Variants in PPP2R2C observed in about 807,000 individuals in gnomAD.
PPP2R2C encodes the protein protein phosphatase 2 regulatory subunit Bgamma.
Under a neutral mutation model 45.3 loss-of-function variants are expected in PPP2R2C, and 10 were observed. That is an observed-to-expected ratio of 0.22 (90% CI 0.14 to 0.37). The LOEUF (loss-of-function observed/expected upper bound fraction) is 0.37. Ranked by LOEUF, PPP2R2C falls within the 10% of genes least tolerant of loss-of-function variation. PPP2R2C has a pLI of 1.00. For missense variants in PPP2R2C, 308 were observed against 619.7 expected (o/e 0.50, Z 5.34); for synonymous variants, 257 against 245.4 (o/e 1.05, Z -0.44).
intron 2 of PPP2R2C, among the ~76,000 whole-genome samples, chr4:6,491,867 C>T (rs1296232549): frequency 6.6e-6 from 1 of 152,198 alleles, no homozygotes; most frequent in African/African-American, 2.4e-5. Flanking sequence ...ATTTCCTGTA[C>T]AGCCTGCAGA....
intron 2 of PPP2R2C, among the ~76,000 whole-genome samples, chr4:6,521,862 C>T (rs768435472): frequency 3.3e-5 from 5 of 152,188 alleles, no homozygotes; most frequent in Non-Finnish European, 4.4e-5. Flanking sequence ...GCACAGCTCA[C>T]GGAAGAGCCG....
chr4:6,550,824 A>G (rs2108839705), intron 1 of PPP2R2C, among the ~76,000 whole-genome samples: 1 of 152,218 alleles, frequency 6.6e-6, no homozygotes, highest in Non-Finnish European at 1.5e-5. Context: ...TTTCTTTAAT[A>G]TTTTATAGAG....
At chr4:6,427,289 C>A (rs1577174719) in intron 1 of PPP2R2C, among the ~76,000 whole-genome samples, 1 of 152,346 alleles carries the variant, frequency 6.6e-6, no homozygotes, top group South Asian at 2.1e-4. Context: ...GTTTAACGTT[C>A]AGCATCTCAA....
intron 1 of PPP2R2C, among the ~76,000 whole-genome samples, chr4:6,418,071 G>A (rs1479962501): frequency 1.3e-5 from 2 of 152,182 alleles, no homozygotes; most frequent in African/African-American, 4.8e-5. Flanking sequence ...TTGCCGCCTT[G>A]GGAAGTCACT....
chr4:6,382,750 G>A, intron 1 of PPP2R2C: 1 of 603,082 alleles, frequency 1.7e-6, no homozygotes, highest in Non-Finnish European at 2.4e-6. Context: ...AGCCTTCACA[G>A]CATATCGGGA....
At chr4:6,515,692 T>C (rs546236439) in intron 2 of PPP2R2C, among the ~76,000 whole-genome samples, 3 of 152,228 alleles carry the variant, frequency 2.0e-5, no homozygotes, top group Non-Finnish European at 4.4e-5. Context: ...ATAAATATCA[T>C]TCATTCAGCA....
intron 1 of PPP2R2C, among the ~76,000 whole-genome samples, chr4:6,449,928 G>A (rs1208248344): frequency 6.6e-6 from 1 of 152,228 alleles, no homozygotes; most frequent in African/African-American, 2.4e-5. Context: ...CCAATCTGCT[G>A]GCAGAGGCTT....
intron 1 of PPP2R2C, among the ~76,000 whole-genome samples, chr4:6,445,021 CA>C (rs368834006): frequency 0.022 from 3,289 of 148,046 alleles, 138 homozygotes; most frequent in African/African-American, 0.076. Flanking sequence ...CCCAACTCTA[CA>C]AAAAAAAAAT....
chr4:6,515,428 G>C (rs1331829139), intron 2 of PPP2R2C, among the ~76,000 whole-genome samples: 3 of 152,230 alleles, frequency 2.0e-5, no homozygotes, highest in African/African-American at 7.2e-5. Context: ...GAGCCTGGAA[G>C]TTAACACTGA....
intron 2 of PPP2R2C, among the ~76,000 whole-genome samples, chr4:6,479,223 A>G (rs572859329): frequency 6.6e-5 from 10 of 152,316 alleles, no homozygotes; most frequent in African/African-American, 2.4e-4. Context: ...AGCTGGTATA[A>G]TACAGCAGCT....
chr4:6,384,050 C>T, intron 1 of PPP2R2C: 1 of 985,568 alleles, frequency 1.0e-6, no homozygotes, highest in African/African-American at 1.7e-5. Flanking sequence ...AAAAGCAGCT[C>T]TGTGGGAACA....
At chr4:6,473,870 A>G (rs1722040859), upstream of PPP2R2C, among the ~76,000 whole-genome samples, 1 of 152,176 alleles carries the variant, frequency 6.6e-6, no homozygotes, top group African/African-American at 2.4e-5. Context: ...GAATGGACCT[A>G]TGAGGAGATG....
At position 6,329,471 on chromosome 4, in the gene PPP2R2C, C is replaced by A. The variant is rs1732227578; in HGVS notation, c.961-118G>T. ...ATGCCCTGACATGGCCCAGCGCAGA[C>A]CTGCTCATCTCAGCGAGGGTCTGAA... On this transcript the variant is annotated intron_variant, in intron 7 of 8. Transcript: ENST00000382599. This position sits in a 1 kb window ranked among gnomAD's most constrained non-coding sequence, Gnocchi z 5.8. 1 of 821,296 alleles carries A rather than the reference C, an allele frequency of 1.2e-6. No homozygotes were observed. Among genetic ancestry groups the A allele is most frequent in the Non-Finnish European group, 2.1e-6 (1 of 486,064 alleles). The allele number at this position is 821,296 out of a possible 1,614,324, so 50.9% of individuals were successfully genotyped here. A position where few individuals can be genotyped will look rare whatever the true frequency, so the allele number is the denominator to read the frequency against.
chr4:6,485,653 C>G (rs1722505871), intron 2 of PPP2R2C, among the ~76,000 whole-genome samples: 1 of 151,750 alleles, frequency 6.6e-6, no homozygotes, highest in East Asian at 1.9e-4. Flanking sequence ...AATTTATTAG[C>G]AAAAAGTTGT....
chr4:6,342,267 C>T (rs565442223), intron 6 of PPP2R2C, among the ~76,000 whole-genome samples: 21 of 152,164 alleles, frequency 1.4e-4, no homozygotes, highest in African/African-American at 4.1e-4. Context: ...CACCAACAGC[C>T]GACTATTAGG....
intron 2 of PPP2R2C, among the ~76,000 whole-genome samples, chr4:6,512,200 A>ATGGTGGTGGTGATGGTGGTGG (rs1306893865): frequency 9.6e-5 from 1 of 10,466 alleles, no homozygotes; most frequent in African/African-American, 4.5e-4. Context: ...GGTGGTGGTG[A>ATGGTGGTGGTGATGGTGGTGG]TGGTGGTGGT....
At chr4:6,436,702 G>T (rs2109419686) in intron 1 of PPP2R2C, among the ~76,000 whole-genome samples, 1 of 152,336 alleles carries the variant, frequency 6.6e-6, no homozygotes, top group African/African-American at 2.4e-5. Flanking sequence ...AATAAATACA[G>T]GGCCACACTG....
At chr4:6,383,764 A>T (rs1179857348) in intron 1 of PPP2R2C, 1 of 953,412 alleles carries the variant, frequency 1.0e-6, no homozygotes, top group Non-Finnish European at 1.3e-6. Flanking sequence ...TCATGAGGGC[A>T]GGAGCCTCAG....
chr4:6,446,486 C>T (rs962087772), intron 1 of PPP2R2C, among the ~76,000 whole-genome samples: 4 of 152,158 alleles, frequency 2.6e-5, no homozygotes, highest in Non-Finnish European at 5.9e-5. Context: ...CCTCAGTTTC[C>T]TCATCTGTAC....
Sources: allele counts gnomAD v4.1 joint callset (sites outside exome capture counted in the v4.1 genomes callset), GRCh38; gene constraint gnomAD v4.1.1; non-coding constraint Gnocchi (gnomAD v3.1); transcripts MANE v1.5; gene names NCBI Gene and HGNC (gene_info 2026-07-23, HGNC 2026-07-21).